OXR1: variants seen among roughly 807,000 people sequenced by gnomAD.
OXR1 encodes the protein oxidation resistance protein 1.
In OXR1, 41 loss-of-function variants were observed where a neutral mutation model predicts 104.6. The ratio of observed to expected loss-of-function variants is 0.39; its 90% CI spans 0.31 to 0.51. The LOEUF is 0.51. Among genes scored for constraint, OXR1 ranks in the 20% least tolerant of loss-of-function variants. The pLI is 0.77. For synonymous variants in OXR1, 348 were observed against 348.4 expected, an observed-to-expected ratio of 1.00 and a Z score of 0.01; for missense variants, 955 against 1,031.9, an observed-to-expected ratio of 0.93 and a Z score of 1.02.
chr8:106,580,207 T>C (rs1586841849), intron 3 of OXR1, among the ~76,000 whole-genome samples: 2 of 152,254 alleles, frequency 1.3e-5, no homozygotes, highest in South Asian at 2.1e-4. Context: ...ACTGTTTTGG[T>C]TTTGTGAATC....
intron 2 of OXR1, among the ~76,000 whole-genome samples, chr8:106,440,287 G>A (rs1220312068): frequency 6.6e-6 from 1 of 152,042 alleles, no homozygotes; most frequent in African/African-American, 2.4e-5. Context: ...AATATTTTCT[G>A]GACAGTTGTG....
At chr8:106,467,970 A>T (rs1264835688) in intron 2 of OXR1, among the ~76,000 whole-genome samples, 1 of 151,864 alleles carries the variant, frequency 6.6e-6, no homozygotes, top group African/African-American at 2.4e-5. Context: ...TATGAGGGAA[A>T]AGTATGTTTA....
chr8:106,556,305 G>T (rs954831866), intron 3 of OXR1, among the ~76,000 whole-genome samples: 3 of 152,104 alleles, frequency 2.0e-5, no homozygotes, highest in Non-Finnish European at 4.4e-5. Flanking sequence ...TGCACATTTT[G>T]CCTTACTAAT....
chr8:106,703,741 A>AT (rs1830809794), intron 8 of OXR1, among the ~76,000 whole-genome samples: 1 of 151,646 alleles, frequency 6.6e-6, no homozygotes, highest in African/African-American at 2.4e-5. Flanking sequence ...ATGGCCAGAA[A>AT]GAAAAGGAGG....
At chr8:106,651,926 ACTT>A (rs1382700779) in intron 3 of OXR1, among the ~76,000 whole-genome samples, 5 of 151,996 alleles carry the variant, frequency 3.3e-5, no homozygotes, top group Non-Finnish European at 7.4e-5. Context: ...ATTTTCTTTA[ACTT>A]CTTTCAATTA....
chr8:106,694,471 A>G (rs1037231510), intron 7 of OXR1, among the ~76,000 whole-genome samples: 12 of 118,996 alleles, frequency 1.0e-4, no homozygotes, highest in Admixed American at 5.2e-4. Flanking sequence ...ATATAAATAT[A>G]TTTATATATA....
chr8:106,409,677 C>G (rs1483951945), intron 2 of OXR1, among the ~76,000 whole-genome samples: 1 of 152,128 alleles, frequency 6.6e-6, no homozygotes, highest in Non-Finnish European at 1.5e-5. Context: ...GATTTACTCA[C>G]TAGCTTTATT....
At chr8:106,328,799 G>A (rs765709215) in intron 1 of OXR1, among the ~76,000 whole-genome samples, 2 of 152,196 alleles carry the variant, frequency 1.3e-5, no homozygotes, top group Non-Finnish European at 2.9e-5. Flanking sequence ...TACATCAAGA[G>A]CATATTTCTT....
intron 11 of OXR1, among the ~76,000 whole-genome samples, chr8:106,727,657 T>G (rs1833480535): frequency 6.6e-6 from 1 of 152,064 alleles, no homozygotes; most frequent in Non-Finnish European, 1.5e-5. Context: ...TGAGCTCAGC[T>G]CAGGAGATCT....
At chr8:106,275,755 ATGT>A (rs1327283918) in intron 1 of OXR1, among the ~76,000 whole-genome samples, 1 of 152,140 alleles carries the variant, frequency 6.6e-6, no homozygotes, top group East Asian at 1.9e-4. Context: ...CAAACACCTT[ATGT>A]TGTTCTTGTT....
chr8:106,406,179 C>T (rs1818229296), intron 2 of OXR1, among the ~76,000 whole-genome samples: 1 of 152,066 alleles, frequency 6.6e-6, no homozygotes, highest in East Asian at 1.9e-4. Flanking sequence ...TGTATGAGTA[C>T]CTGGAGCACA....
chr8:106,713,107 A>T (rs28921431), intron 10 of OXR1, among the ~76,000 whole-genome samples: 4 of 152,156 alleles, frequency 2.6e-5, no homozygotes, highest in African/African-American at 9.6e-5. Context: ...AAGAATGGCA[A>T]TTTTAAAAAT....
At chr8:106,541,214 A>C (rs2130326904) in intron 3 of OXR1, among the ~76,000 whole-genome samples, 1 of 152,312 alleles carries the variant, frequency 6.6e-6, no homozygotes, top group East Asian at 1.9e-4. Flanking sequence ...CAGTTTATAA[A>C]AGTATGATAA....
intron 3 of OXR1, among the ~76,000 whole-genome samples, chr8:106,546,291 G>C (rs1263038504): frequency 6.6e-6 from 1 of 152,166 alleles, no homozygotes; most frequent in Admixed American, 6.5e-5. Context: ...TCCCTTAGCT[G>C]TTGTCCCTGC....
chr8:106,480,503 G>A (rs183286211), intron 2 of OXR1, among the ~76,000 whole-genome samples: 1 of 152,006 alleles, frequency 6.6e-6, no homozygotes, highest in East Asian at 1.9e-4. Context: ...TTGGTTGACT[G>A]GATATTGAGT....
chr8:106,478,333 G>T (rs1287574252), intron 2 of OXR1, among the ~76,000 whole-genome samples: 2 of 151,674 alleles, frequency 1.3e-5, no homozygotes, highest in African/African-American at 4.8e-5. Flanking sequence ...TAGCCAAATT[G>T]CCGTGAATTC....
At chr8:106,681,429 A>T (rs976071726) in intron 4 of OXR1, among the ~76,000 whole-genome samples, 33 of 152,330 alleles carry the variant, frequency 2.2e-4, no homozygotes, top group African/African-American at 6.3e-4. Context: ...TATGTATATT[A>T]TTGTTTTACA....
At chr8:106,447,863 G>A in intron 2 of OXR1, 1 of 1,449,444 alleles carries the variant, frequency 6.9e-7, no homozygotes, top group Non-Finnish European at 9.0e-7. Flanking sequence ...CTTAGATGTT[G>A]GTCTGATACT....
chr8:106,318,787 C>G (rs1814090070), intron 1 of OXR1, among the ~76,000 whole-genome samples: 1 of 152,100 alleles, frequency 6.6e-6, no homozygotes, highest in Non-Finnish European at 1.5e-5. Flanking sequence ...GTTTCTTAGT[C>G]TTTTGGAGTG....
Sources: gnomAD v4.1 joint callset for allele counts (sites outside exome capture counted in the v4.1 genomes callset) on GRCh38, gnomAD v4.1.1 for gene constraint, MANE v1.5 for transcripts, NCBI Gene and HGNC (gene_info 2026-07-23, HGNC 2026-07-21) for gene names.